Variants in EML5 observed in about 807,000 individuals in gnomAD.
EML5 encodes the protein EMAP like 5, also known as echinoderm microtubule-associated protein-like 5.
EML5 carries 120 observed loss-of-function variants against 250.0 expected under a neutral mutation model. The observed-to-expected ratio is 0.48, with a 90% CI of 0.41 to 0.56. EML5 has a LOEUF of 0.56. Among genes scored for constraint, EML5 ranks in the 20% least tolerant of loss-of-function variants. EML5 has a pLI of 0.00. For missense variants in EML5, 2,006 were observed against 2,437.6 expected (o/e 0.82, Z 3.73); for synonymous variants, 771 against 806.5 (o/e 0.96, Z 0.75).
chr14:88,659,254 G>A (rs1367773473), intron 25 of EML5, among the ~76,000 whole-genome samples: 1 of 143,852 alleles, frequency 7.0e-6, no homozygotes, highest in Non-Finnish European at 1.5e-5. Context: ...TTTTTTTTTT[G>A]ATACTGGAAT....
intron 7 of EML5, among the ~76,000 whole-genome samples, chr14:88,733,468 A>G (rs1183916118): frequency 6.6e-6 from 1 of 152,252 alleles, no homozygotes; most frequent in African/African-American, 2.4e-5. Context: ...TTTTATTCCA[A>G]ATAAATTGCC....
At chr14:88,772,382 T>C (rs573438518) in intron 1 of EML5, among the ~76,000 whole-genome samples, 45 of 152,376 alleles carry the variant, frequency 3.0e-4, no homozygotes, top group African/African-American at 1.1e-3. Context: ...TCTCATCATT[T>C]ACCTCGGTAA....
At chr14:88,777,082 C>G (rs1371143254) in intron 1 of EML5, among the ~76,000 whole-genome samples, 3 of 151,968 alleles carry the variant, frequency 2.0e-5, no homozygotes, top group Non-Finnish European at 4.4e-5. Context: ...TATCCAAGTA[C>G]AAGAAGGATA....
intron 1 of EML5, among the ~76,000 whole-genome samples, chr14:88,776,605 G>A (rs1464709693): frequency 1.3e-5 from 2 of 152,012 alleles, no homozygotes; most frequent in African/African-American, 4.8e-5. Flanking sequence ...AGTGGGTCGG[G>A]CATGGTGGCT....
At chr14:88,616,073 G>C in intron 43 of EML5, 69 bp downstream of exon 43, 1 of 1,513,960 alleles carries the variant, frequency 6.6e-7, no homozygotes, top group Non-Finnish European at 9.2e-7. Context: ...CAAAGCTGTA[G>C]GAGTTGTTGT....
At chr14:88,705,626 A>G in intron 11 of EML5, 38 bp from the exon 12 acceptor site, 1 of 1,455,112 alleles carries the variant, frequency 6.9e-7, no homozygotes, top group Non-Finnish European at 9.4e-7. Context: ...TTGTTTAAAG[A>G]AGATTCATTT....
rs989403406 is a variant in EML5 at position 88,614,279 on chromosome 14, T to C, written c.*1539A>G. 2 of 152,236 alleles carry C rather than the reference T, an allele frequency of 1.3e-5. No homozygotes were observed. Among genetic ancestry groups the C allele is most frequent in the African/African-American group, 4.8e-5 (2 of 41,460 alleles). 9.4% of individuals were successfully genotyped at this position (152,236 alleles called of 1,614,324 possible). A position where few individuals can be genotyped will look rare whatever the true frequency, so the allele number is the denominator to read the frequency against. ...CTTAATAGTCATGTATTTCAAAATT[T>C]GGCTTAATTTAGGAGAATCCACTGA... is the stretch of plus-strand genomic sequence containing the variant. On this transcript the variant is annotated 3_prime_UTR_variant, in exon 44 of 44. Coordinates refer to ENST00000554922, the MANE Select transcript of EML5 (RefSeq NM_183387.3).
intron 27 of EML5, among the ~76,000 whole-genome samples, chr14:88,652,406 TAAC>T (rs1313060719): frequency 6.6e-6 from 1 of 152,142 alleles, no homozygotes; most frequent in African/African-American, 2.4e-5. Flanking sequence ...TCCCCATTAC[TAAC>T]GTGTTTTTCA....
chr14:88,755,469 C>A (rs2094146779), intron 1 of EML5, among the ~76,000 whole-genome samples: 1 of 152,036 alleles, frequency 6.6e-6, no homozygotes, highest in African/African-American at 2.4e-5. Context: ...AGAAAGGTCA[C>A]CCATAATTCG....
chr14:88,746,176 A>C lies in EML5; in HGVS notation c.456+9T>G, dbSNP rs770638403. The stretch of plus-strand genomic sequence containing the variant: ...GTACTCATTAGAAATCTCAAAAGAG[A>C]ATACTTACTCTATCTGTATGACCAG... On this transcript the variant is annotated intron_variant, in intron 3 of 43. Coordinates refer to ENST00000554922, the MANE Select transcript of EML5 (RefSeq NM_183387.3). 1 of 1,603,460 alleles carries C rather than the reference A, an allele frequency of 6.2e-7. No homozygotes were observed. Among genetic ancestry groups the C allele is most frequent in the Non-Finnish European group, 8.5e-7 (1 of 1,172,208 alleles).
chr14:88,659,122 T>A (rs565379257), intron 25 of EML5, among the ~76,000 whole-genome samples: 1 of 152,104 alleles, frequency 6.6e-6, no homozygotes, highest in African/African-American at 2.4e-5. Flanking sequence ...AAATTTCAGA[T>A]CAAAGCATCA....
chr14:88,636,971 G>C (rs2090772714), intron 32 of EML5, among the ~76,000 whole-genome samples: 1 of 152,176 alleles, frequency 6.6e-6, no homozygotes, highest in Admixed American at 6.5e-5. Flanking sequence ...CAGGAAAAAA[G>C]TTTGAATGTA....
At chr14:88,714,800 A>G in intron 9 of EML5, 139 bp downstream of exon 9, 1 of 719,534 alleles carries the variant, frequency 1.4e-6, no homozygotes, top group Non-Finnish European at 2.2e-6. Context: ...TATATTGTAG[A>G]AAAGTCTACA....
chr14:88,661,914 G>C (rs2092113400), intron 24 of EML5, 84 bp from the exon 25 acceptor site: 1 of 1,205,796 alleles, frequency 8.3e-7, no homozygotes. Context: ...TTTCTTTGTA[G>C]TTATGTGTGT....
intron 1 of EML5, among the ~76,000 whole-genome samples, chr14:88,762,726 T>C (rs930969969): frequency 1.3e-5 from 2 of 152,148 alleles, no homozygotes; most frequent in African/African-American, 4.8e-5. Context: ...TAGCACCATA[T>C]AGCACTTATT....
At chr14:88,719,878 A>T (rs2093563349) in intron 8 of EML5, among the ~76,000 whole-genome samples, 1 of 152,122 alleles carries the variant, frequency 6.6e-6, no homozygotes, top group South Asian at 2.1e-4. Context: ...TAATAAAATA[A>T]ATAGACTGCT....
In EML5 at chr14:88,726,549, A is replaced by C. The variant is rs745409216; in HGVS notation, c.1179T>G (p.Leu393=). 1 of 1,605,866 alleles carries C rather than the reference A, an allele frequency of 6.2e-7. No individual in the cohort carries two copies. The highest frequency in any genetic ancestry group is 1.1e-5 in the South Asian group (1 of 89,088). ...CTACCCTAATACCATACCTTACTCTAAGTACAGTGAATGAGCCATCCTTCA... is the reference window on the plus strand; with the variant it reads ...CTACCCTAATACCATACCTTACTCTCAGTACAGTGAATGAGCCATCCTTCA... ...LGMKDGSFTV[L]RVRDMTEVVH... The change falls in exon 8 of 44, where the codon CTT becomes CTG. Residue 393 remains leucine (L), a synonymous_variant. Coordinates refer to ENST00000554922, the MANE Select transcript of EML5 (RefSeq NM_183387.3).
chr14:88,696,976 T>G, intron 14 of EML5, 24 bp from the exon 15 acceptor site: 1 of 1,361,002 alleles, frequency 7.3e-7, no homozygotes, highest in African/African-American at 1.5e-5. Flanking sequence ...ATAGAAGCTA[T>G]TAAATACAAT....
At chr14:88,739,884 C>T (rs909435949) in intron 5 of EML5, among the ~76,000 whole-genome samples, 1 of 152,154 alleles carries the variant, frequency 6.6e-6, no homozygotes, top group Non-Finnish European at 1.5e-5. Context: ...ACACAAAGAT[C>T]TTGCTGTTAA....
Sources: gnomAD v4.1 joint callset for allele counts (sites outside exome capture counted in the v4.1 genomes callset) on GRCh38, gnomAD v4.1.1 for gene constraint, MANE v1.5 for transcripts, NCBI Gene and HGNC (gene_info 2026-07-23, HGNC 2026-07-21) for gene names.